ATP6V1B1: variants seen among roughly 807,000 people sequenced by gnomAD.
ATP6V1B1 encodes the protein ATPase H+ transporting V1 subunit B1.
ATP6V1B1 carries 41 observed loss-of-function variants against 62.1 expected under a neutral mutation model. That is an observed-to-expected ratio of 0.66 (90% confidence interval 0.51 to 0.86). The LOEUF (loss-of-function observed/expected upper bound fraction) is 0.86. Ranked by LOEUF, ATP6V1B1 falls within the 40% of genes least tolerant of loss-of-function variation. The pLI is 0.00. For synonymous variants in ATP6V1B1, 253 were observed against 273.4 expected, an observed-to-expected ratio of 0.93 and a Z score of 0.74; for missense variants, 651 against 697.5, an observed-to-expected ratio of 0.93 and a Z score of 0.75.
chr2:70,955,585 G>A (rs114992366), intron 2 of ATP6V1B1, among the ~76,000 whole-genome samples: 145 of 152,132 alleles, frequency 9.5e-4, no homozygotes, highest in African/African-American at 3.4e-3. Context: ...GTAATATGTG[G>A]CCTGCTGTGC....
At chr2:70,960,144 C>G (rs1404791337) in intron 6 of ATP6V1B1, 66 bp downstream of exon 6, 5 of 1,601,038 alleles carry the variant, frequency 3.1e-6, no homozygotes, top group Non-Finnish European at 4.3e-6. Context: ...GGCTGCTGGA[C>G]CAGTGAGGAC....
chr2:70,963,443 C>A lies in ATP6V1B1; in HGVS notation c.1061-129C>A. On this transcript the variant is annotated intron_variant, in intron 10 of 13. Coordinates refer to ENST00000234396, the MANE Select transcript of ATP6V1B1 (RefSeq NM_001692.4). This position sits in a 1 kb window ranked among gnomAD's most constrained non-coding sequence, Gnocchi z 4.3. ...TTTCCTCCATCGAGATAGACACTGC[C>A]CTTTCCTCCACCATCCATGCCCCCC... 6.5e-7 allele frequency: 1 copy of A among 1,528,828 alleles called. No homozygotes were observed. Among genetic ancestry groups the A allele is most frequent in the Non-Finnish European group, 9.0e-7 (1 of 1,107,834 alleles). 94.7% of individuals were successfully genotyped at this position (1,528,828 alleles called of 1,614,324 possible).
intron 7 of ATP6V1B1, 97 bp from the exon 8 acceptor site, chr2:70,961,499 G>C: frequency 7.9e-7 from 1 of 1,272,636 alleles, no homozygotes; most frequent in Non-Finnish European, 1.1e-6. Context: ...CTGGTAGCTG[G>C]TCAGTCCACA....
intron 1 of ATP6V1B1, chr2:70,940,466 G>C: frequency 1.0e-6 from 1 of 985,364 alleles, no homozygotes; most frequent in Non-Finnish European, 1.2e-6. Flanking sequence ...TAAAAATGAG[G>C]GTCTCTCCTG....
chr2:70,938,854 G>C, intron 1 of ATP6V1B1: 1 of 949,744 alleles, frequency 1.1e-6, no homozygotes, highest in African/African-American at 1.8e-5. Context: ...CTGGTTGGAG[G>C]GATGAAGCCA....
intron 2 of ATP6V1B1, chr2:70,944,178 C>A: frequency 2.3e-6 from 3 of 1,287,904 alleles, no homozygotes; most frequent in Non-Finnish European, 3.0e-6. Context: ...TTCTAGGGAT[C>A]TTGATGGCCT....
intron 2 of ATP6V1B1, among the ~76,000 whole-genome samples, chr2:70,955,555 T>C (rs1020947871): frequency 1.3e-5 from 2 of 152,210 alleles, no homozygotes; most frequent in Non-Finnish European, 2.9e-5. Flanking sequence ...ATTCTGGACA[T>C]TTTCTATTAA....
chr2:70,959,115 G>A lies in ATP6V1B1; in HGVS notation c.445+20G>A. On this transcript the variant is annotated intron_variant, in intron 5 of 13. Coordinates refer to ENST00000234396, the MANE Select transcript of ATP6V1B1 (RefSeq NM_001692.4). This position sits in a 1 kb window ranked among gnomAD's most constrained non-coding sequence, Gnocchi z 4.2. ...TCAATGGTGAGTGACTGGAGGTTCT[G>A]GATGGCTTCGGGACCCAGCCCTAAC... 6.2e-7 allele frequency: 1 copy of A among 1,613,342 alleles called. No individual in the cohort carries two copies. Among genetic ancestry groups the A allele is most frequent in the Non-Finnish European group, 8.5e-7 (1 of 1,179,312 alleles).
At chr2:70,956,787 A>T (rs534232035) in intron 2 of ATP6V1B1, among the ~76,000 whole-genome samples, 3 of 151,916 alleles carry the variant, frequency 2.0e-5, no homozygotes, top group Non-Finnish European at 4.4e-5. Context: ...ACAGGGTTTC[A>T]CCATGTTCCC....
In ATP6V1B1 at chr2:70,960,063, G is replaced by T; in HGVS notation, c.570G>T (p.Gly190=). The T allele has an allele frequency of 6.2e-7, 1 of 1,614,190 alleles. No homozygotes were observed. ...GQKIPIFSAA[G]LPHNEIAAQI... ...AGATCCCCATCTTCTCAGCAGCCGGGCTCCCCCACAATGAGGTGAGGCCTG... is the reference window on the plus strand; with the variant it reads ...AGATCCCCATCTTCTCAGCAGCCGGTCTCCCCCACAATGAGGTGAGGCCTG... Residue 190 remains glycine (G), a synonymous_variant, in exon 6 of 14, where the codon GGG becomes GGT. Transcript: ENST00000234396.
chr2:70,938,126 C>A (rs1001691569), intron 1 of ATP6V1B1, among the ~76,000 whole-genome samples: 1 of 152,164 alleles, frequency 6.6e-6, no homozygotes, highest in African/African-American at 2.4e-5. Context: ...GGGCCAGCCT[C>A]AGCCCAGCCC....
chr2:70,961,051 C>A, intron 7 of ATP6V1B1, 29 bp downstream of exon 7: 1 of 1,554,802 alleles, frequency 6.4e-7, no homozygotes, highest in South Asian at 1.2e-5. Flanking sequence ...CTGGCAAGTT[C>A]TGGAGGCTGT....
chr2:70,952,532 T>G (rs1680345585), intron 2 of ATP6V1B1, among the ~76,000 whole-genome samples: 1 of 152,094 alleles, frequency 6.6e-6, no homozygotes, highest in Non-Finnish European at 1.5e-5. Context: ...TCTATTTACA[T>G]AATCTTATAG....
intron 1 of ATP6V1B1, chr2:70,939,249 AG>A (rs1443791443): frequency 1.3e-5 from 2 of 152,340 alleles, no homozygotes; most frequent in African/African-American, 4.8e-5. Flanking sequence ...TCCACCAGCC[AG>A]AAGTCCGGAG....
chr2:70,941,237 A>G, intron 1 of ATP6V1B1: 11 of 973,546 alleles, frequency 1.1e-5, no homozygotes, highest in Non-Finnish European at 1.3e-5. Context: ...TTGAGTGTGT[A>G]CCATATTCCC....
chr2:70,949,357 C>A (rs1230509164), intron 2 of ATP6V1B1, among the ~76,000 whole-genome samples: 2 of 152,190 alleles, frequency 1.3e-5, no homozygotes, highest in African/African-American at 2.4e-5. Context: ...CGTATGTTCT[C>A]AGGTTTTGCC....
Position 70,963,309 on chromosome 2 carries a change from G to A in ATP6V1B1, c.1057G>A (p.Asp353Asn), listed in dbSNP as rs782561050. Residue 353 changes from aspartate (D) to asparagine (N), a missense_variant, in exon 10 of 14, where the codon GAC (aspartate) becomes AAC (asparagine). By Grantham distance (23) the Asp-to-Asn change is conservative. Transcript: ENST00000234396. The surrounding 1 kb of genome is among the most constrained non-coding windows in gnomAD (Gnocchi z 4.3). ...GATCCCCATCCTCACCATGCCCAAC[G>A]ACGGTAGCCTCCTCACAGCCCACTA... is the stretch of plus-strand genomic sequence containing the variant. The part of the protein sequence containing the change: ...TQIPILTMPN[D>N]DITHPIPDLT... The A allele has an allele frequency of 2.5e-5, 41 of 1,612,740 alleles. No homozygotes were observed. The highest frequency in any genetic ancestry group is 3.5e-5 in the Non-Finnish European group (41 of 1,180,004).
chr2:70,958,246 C>T, intron 3 of ATP6V1B1, 87 bp from the exon 4 acceptor site: 1 of 1,592,960 alleles, frequency 6.3e-7, no homozygotes, highest in Non-Finnish European at 8.6e-7. Context: ...GGTCTATTTC[C>T]CTGAGAGCAC....
Position 70,965,005 on chromosome 2 carries a change from A to T in ATP6V1B1, c.1426A>T (p.Lys476Ter). Residue 476 changes from lysine to a stop codon, truncating the protein, a stop_gained, in exon 14 of 14, where the codon AAG becomes TAG. Coordinates refer to ENST00000234396, the MANE Select transcript of ATP6V1B1 (RefSeq NM_001692.4). LOFTEE classifies it high-confidence loss of function. ...GTTCGAGTCGCTGGACCTGGGCTGG[A>T]AGCTGCTGCGCATCTTCCCCAAGGA... ...SVFESLDLGW[K>*]LLRIFPKEML... is the part of the protein sequence containing the mutation. 6.2e-7 allele frequency: 1 copy of T among 1,613,826 alleles called. No individual in the cohort carries two copies. The highest frequency in any genetic ancestry group is 8.5e-7 in the Non-Finnish European group (1 of 1,180,002).
Sources: allele counts gnomAD v4.1 joint callset (sites outside exome capture counted in the v4.1 genomes callset), GRCh38; gene constraint gnomAD v4.1.1; non-coding constraint Gnocchi (gnomAD v3.1); transcripts MANE v1.5; gene names NCBI Gene and HGNC (gene_info 2026-07-23, HGNC 2026-07-21).